IPO11: variants seen among roughly 807,000 people sequenced by gnomAD.
IPO11 encodes the protein importin-11.
In IPO11, 66 loss-of-function variants were observed where a neutral mutation model predicts 143.2. The observed-to-expected ratio is 0.46, with a 90% CI of 0.38 to 0.57. The LOEUF is 0.57. IPO11 is among the 20% of genes least tolerant of loss of function. The pLI, the probability that IPO11 is intolerant of heterozygous loss-of-function variation, is 0.00. For synonymous variants in IPO11, 385 were observed against 377.8 expected (o/e 1.02, Z -0.22); for missense variants, 1,026 against 1,141.0 (o/e 0.90, Z 1.45).
chr5:62,430,011 C>T (rs897775404), intron 1 of IPO11, among the ~76,000 whole-genome samples: 1 of 152,168 alleles, frequency 6.6e-6, no homozygotes, highest in Non-Finnish European at 1.5e-5. Flanking sequence ...CCCACCTTGG[C>T]CTCCCAAAGT....
chr5:62,467,332 T>C, intron 6 of IPO11, 69 bp downstream of exon 6: 1 of 1,468,234 alleles, frequency 6.8e-7, no homozygotes, highest in South Asian at 1.4e-5. Flanking sequence ...ATAGTTCCTT[T>C]AGACGGGTTT....
chr5:62,590,493 A>G (rs1744968668), intron 27 of IPO11, among the ~76,000 whole-genome samples: 1 of 152,202 alleles, frequency 6.6e-6, no homozygotes, highest in African/African-American at 2.4e-5. Context: ...ATGACTTTAA[A>G]TATTAATTAG....
At chr5:62,442,246 A>G (rs995231022) in intron 2 of IPO11, among the ~76,000 whole-genome samples, 1 of 152,164 alleles carries the variant, frequency 6.6e-6, no homozygotes, top group Admixed American at 6.5e-5. Flanking sequence ...ACTCCTTAGA[A>G]TCTTTGAATC....
At chr5:62,580,857 T>C (rs1360979679) in intron 27 of IPO11, 1 of 1,551,404 alleles carries the variant, frequency 6.4e-7, no homozygotes, top group Non-Finnish European at 8.7e-7. Context: ...ATGCCTTTGG[T>C]AATCCATTAG....
chr5:62,593,739 T>A (rs12519878), intron 28 of IPO11, among the ~76,000 whole-genome samples: 1 of 152,148 alleles, frequency 6.6e-6, no homozygotes, highest in African/African-American at 2.4e-5. Flanking sequence ...CAGAATTGTT[T>A]GGTGATTTCT....
intron 21 of IPO11, among the ~76,000 whole-genome samples, chr5:62,526,913 G>A (rs1372279169): frequency 6.6e-6 from 1 of 152,190 alleles, no homozygotes; most frequent in Non-Finnish European, 1.5e-5. Context: ...TGCAGTTAAA[G>A]AAAGCAAATC....
intron 27 of IPO11, among the ~76,000 whole-genome samples, chr5:62,588,135 A>G (rs1014486187): frequency 6.6e-6 from 1 of 151,914 alleles, no homozygotes; most frequent in Non-Finnish European, 1.5e-5. Context: ...CACTTCAACC[A>G]CACATTCCTC....
intron 1 of IPO11, among the ~76,000 whole-genome samples, chr5:62,435,200 GTATATATA>G (rs1175661794): frequency 4.8e-5 from 5 of 104,710 alleles, no homozygotes; most frequent in Non-Finnish European, 9.7e-5. Flanking sequence ...GTATATATAT[GTATATATA>G]TGTGTATATA....
intron 28 of IPO11, among the ~76,000 whole-genome samples, chr5:62,594,962 G>T (rs1745162090): frequency 6.6e-6 from 1 of 152,184 alleles, no homozygotes; most frequent in Non-Finnish European, 1.5e-5. Flanking sequence ...AGGTCTCCTG[G>T]TGATTTCCAC....
At chr5:62,493,887 A>C (rs1370096646) in intron 15 of IPO11, 111 bp from the exon 16 acceptor site, 1 of 996,002 alleles carries the variant, frequency 1.0e-6, no homozygotes, top group Non-Finnish European at 1.4e-6. Flanking sequence ...TTATATTAAA[A>C]ATGCAGATTG....
intron 1 of IPO11, among the ~76,000 whole-genome samples, chr5:62,423,858 T>G (rs2112101293): frequency 6.6e-6 from 1 of 152,320 alleles, no homozygotes; most frequent in South Asian, 2.1e-4. Context: ...TCTTCCCCGG[T>G]CTTCACAGAA....
intron 13 of IPO11, among the ~76,000 whole-genome samples, chr5:62,488,552 A>G (rs375803416): frequency 4.6e-5 from 7 of 152,322 alleles, no homozygotes; most frequent in African/African-American, 1.7e-4. Flanking sequence ...GGAGATAGAG[A>G]TATACTTTCG....
At chr5:62,593,189 A>G (rs377628156) in intron 28 of IPO11, among the ~76,000 whole-genome samples, 1 of 148,630 alleles carries the variant, frequency 6.7e-6, no homozygotes, top group Non-Finnish European at 1.5e-5. Flanking sequence ...AAAGAAAAAA[A>G]GGCACTATAT....
At position 62,487,944 on chromosome 5, in the gene IPO11, T is replaced by C. The variant is rs1289119219; in HGVS notation, c.1309+83T>C. 2.7e-6 allele frequency: 3 copies of C among 1,124,804 alleles called. No homozygotes were observed. In the African/African-American group the frequency reaches 4.9e-5, roughly 18 times the overall value. 69.7% of individuals were successfully genotyped at this position (1,124,804 alleles called of 1,614,324 possible). On this transcript the variant is annotated intron_variant, in intron 13 of 29. Transcript: ENST00000325324. ...TAGTCTGAGTGCCTACAATGCATACTGTACTGTTTCCTGGGTCATATAATA... is the reference window on the plus strand; with the variant it reads ...TAGTCTGAGTGCCTACAATGCATACCGTACTGTTTCCTGGGTCATATAATA...
At chr5:62,436,329 T>C (rs1386972794) in intron 1 of IPO11, among the ~76,000 whole-genome samples, 4 of 152,232 alleles carry the variant, frequency 2.6e-5, no homozygotes, top group Non-Finnish European at 5.9e-5. Flanking sequence ...TTCAGACTTT[T>C]ACTGTCTGGA....
intron 26 of IPO11, among the ~76,000 whole-genome samples, chr5:62,558,997 A>G (rs554974023): frequency 6.6e-6 from 1 of 152,338 alleles, no homozygotes; most frequent in Non-Finnish European, 1.5e-5. Flanking sequence ...CAATGGTATT[A>G]TGTCTAAAGT....
chr5:62,479,654 A>C (rs187032475), intron 9 of IPO11, among the ~76,000 whole-genome samples: 9 of 152,202 alleles, frequency 5.9e-5, no homozygotes, highest in African/African-American at 1.7e-4. Context: ...ATGGTATCTC[A>C]TTGTGGTTTT....
intron 7 of IPO11, among the ~76,000 whole-genome samples, chr5:62,471,196 T>A (rs1039948719): frequency 6.6e-6 from 1 of 151,886 alleles, no homozygotes; most frequent in African/African-American, 2.4e-5. Context: ...TGTGTTAGAA[T>A]TCACAGTAAG....
chr5:62,558,708 AT>A (rs1257250052), intron 26 of IPO11, among the ~76,000 whole-genome samples: 1 of 152,176 alleles, frequency 6.6e-6, no homozygotes, highest in Non-Finnish European at 1.5e-5. Context: ...TACTATCGGC[AT>A]TTTTTCAATA....
Sources: allele counts gnomAD v4.1 joint callset (sites outside exome capture counted in the v4.1 genomes callset), GRCh38; gene constraint gnomAD v4.1.1; transcripts MANE v1.5; gene names NCBI Gene and HGNC (gene_info 2026-07-23, HGNC 2026-07-21).